CNOT2: variants seen among roughly 807,000 people sequenced by gnomAD.
The protein encoded by CNOT2 is CCR4-NOT transcription complex subunit 2.
Under a neutral mutation model 72.1 loss-of-function variants are expected in CNOT2, and 7 were observed. That is an observed-to-expected ratio of 0.10 (90% CI 0.06 to 0.18). CNOT2 has a LOEUF of 0.18. Ranked by LOEUF, CNOT2 falls within the 10% of genes least tolerant of loss-of-function variation. CNOT2 has a pLI of 1.00. For synonymous variants in CNOT2, 196 were observed against 225.6 expected (o/e 0.87, Z 1.17); for missense variants, 345 against 660.3 (o/e 0.52, Z 5.23).
At chr12:70,300,835 A>G (rs944245998) in intron 2 of CNOT2, among the ~76,000 whole-genome samples, 21 of 152,276 alleles carry the variant, frequency 1.4e-4, no homozygotes, top group African/African-American at 4.8e-4. Context: ...CACGATATTG[A>G]TTCTTCCTAC....
chr12:70,350,767 A>G (rs1308812254), intron 15 of CNOT2, among the ~76,000 whole-genome samples: 1 of 152,204 alleles, frequency 6.6e-6, no homozygotes, highest in African/African-American at 2.4e-5. Flanking sequence ...TTTTATATGT[A>G]TAAATATTCC....
intron 2 of CNOT2, among the ~76,000 whole-genome samples, chr12:70,281,187 C>T (rs1195279373): frequency 2.6e-5 from 4 of 151,142 alleles, no homozygotes; most frequent in Admixed American, 6.6e-5. Flanking sequence ...TGGGTTCAAG[C>T]GATTCTCCTG....
intron 1 of CNOT2, among the ~76,000 whole-genome samples, chr12:70,254,679 A>G (rs1958331679): frequency 6.6e-6 from 1 of 152,082 alleles, no homozygotes; most frequent in Non-Finnish European, 1.5e-5. Flanking sequence ...ATTTTTATTT[A>G]AATAGATATC....
chr12:70,307,899 T>G (rs1347063706), intron 2 of CNOT2: 1 of 143,308 alleles, frequency 7.0e-6, no homozygotes, highest in Non-Finnish European at 1.5e-5. Context: ...CTAGGACCTT[T>G]AAAAAAAAAA....
At chr12:70,315,206 T>G (rs2135969858) in intron 3 of CNOT2, among the ~76,000 whole-genome samples, 1 of 152,240 alleles carries the variant, frequency 6.6e-6, no homozygotes, top group Non-Finnish European at 1.5e-5. Context: ...TTTCTTTTTT[T>G]GTGCCTGTTT....
chr12:70,296,363 T>G (rs1011172227), intron 2 of CNOT2, among the ~76,000 whole-genome samples: 5 of 151,994 alleles, frequency 3.3e-5, no homozygotes, highest in Non-Finnish European at 7.4e-5. Context: ...TCATAGATTT[T>G]TGTGTGTGTG....
chr12:70,352,656 T>A (rs1000925705), intron 15 of CNOT2, among the ~76,000 whole-genome samples: 1 of 152,216 alleles, frequency 6.6e-6, no homozygotes, highest in Middle Eastern at 3.2e-3. Context: ...TTCTTTAAGT[T>A]GGATTATGCA....
At chr12:70,345,271 TTAAAG>T (rs1266600049) in intron 14 of CNOT2, 6 of 152,172 alleles carry the variant, frequency 3.9e-5, no homozygotes, top group Admixed American at 6.5e-5. Context: ...ATCAAATAGT[TTAAAG>T]TATATAATTC....
At chr12:70,291,978 G>A (rs1871992831) in intron 2 of CNOT2, among the ~76,000 whole-genome samples, 1 of 152,050 alleles carries the variant, frequency 6.6e-6, no homozygotes, top group African/African-American at 2.4e-5. Flanking sequence ...TAGATACTGC[G>A]AGCAATATTC....
chr12:70,306,297 A>C (rs1875376608), intron 2 of CNOT2, among the ~76,000 whole-genome samples: 1 of 152,150 alleles, frequency 6.6e-6, no homozygotes, highest in Non-Finnish European at 1.5e-5. Context: ...CTGGGATTAC[A>C]GGTGCATGCC....
intron 2 of CNOT2, among the ~76,000 whole-genome samples, chr12:70,301,083 T>C (rs964460612): frequency 6.6e-6 from 1 of 152,228 alleles, no homozygotes; most frequent in Admixed American, 6.5e-5. Context: ...ATCCCGAGAC[T>C]TTGCTGAAGT....
At chr12:70,315,316 A>C (rs966302168) in intron 3 of CNOT2, among the ~76,000 whole-genome samples, 1 of 152,054 alleles carries the variant, frequency 6.6e-6, no homozygotes, top group African/African-American at 2.4e-5. Flanking sequence ...GTGTGCATGC[A>C]TATGCTTTCT....
intron 1 of CNOT2, among the ~76,000 whole-genome samples, chr12:70,252,355 T>A (rs1958180630): frequency 6.6e-6 from 1 of 151,920 alleles, no homozygotes. Context: ...CCCGGCAAAT[T>A]TTTGTATCTT....
intron 4 of CNOT2, chr12:70,323,314 C>T (rs1878586316): frequency 1.3e-5 from 2 of 151,526 alleles, no homozygotes; most frequent in Admixed American, 1.3e-4. Flanking sequence ...CTCTGTACCT[C>T]GCATATGACA....
At position 70,354,413 on chromosome 12, in the gene CNOT2, A is replaced by G. The variant is rs1267451017; in HGVS notation, c.*498A>G. 1.3e-5 allele frequency: 2 copies of G among 152,892 alleles called. No homozygotes were observed. The highest frequency in any genetic ancestry group is 6.5e-5 in the Admixed American group (1 of 15,290). The allele number at this position is 152,892 out of a possible 1,614,324, so 9.5% of individuals were successfully genotyped here. A position where few individuals can be genotyped will look rare whatever the true frequency, so the allele number is the denominator to read the frequency against. On this transcript the variant is annotated 3_prime_UTR_variant, in exon 16 of 16. Coordinates refer to ENST00000229195, the MANE Select transcript of CNOT2 (RefSeq NM_014515.7). ...GCAAGAGGTCTGCTTCCTTCATTTT[A>G]CTTCCCCTTCTGTTTTTGAAAGGCA... is the stretch of plus-strand genomic sequence containing the variant.
chr12:70,325,016 A>G (rs1480811068), intron 4 of CNOT2, among the ~76,000 whole-genome samples: 3 of 151,768 alleles, frequency 2.0e-5, no homozygotes, highest in Admixed American at 2.0e-4. Flanking sequence ...CCCTCCTACA[A>G]GCAGTCAAGC....
intron 2 of CNOT2, among the ~76,000 whole-genome samples, chr12:70,292,119 A>T (rs1326370839): frequency 1.3e-5 from 2 of 152,188 alleles, no homozygotes; most frequent in Non-Finnish European, 2.9e-5. Context: ...AAACTTCCAG[A>T]TGCACCACTT....
chr12:70,298,093 C>T (rs928539988), intron 2 of CNOT2, among the ~76,000 whole-genome samples: 2 of 152,132 alleles, frequency 1.3e-5, no homozygotes, highest in African/African-American at 4.8e-5. Flanking sequence ...ACTTCATTTT[C>T]AAATTAATGC....
intron 2 of CNOT2, among the ~76,000 whole-genome samples, chr12:70,282,922 A>G (rs1870126098): frequency 6.6e-6 from 1 of 152,176 alleles, no homozygotes; most frequent in Admixed American, 6.5e-5. Flanking sequence ...TAGCTAAAGT[A>G]CTCAACACCT....
Sources: allele counts gnomAD v4.1 joint callset (sites outside exome capture counted in the v4.1 genomes callset), GRCh38; gene constraint gnomAD v4.1.1; transcripts MANE v1.5; gene names NCBI Gene and HGNC (gene_info 2026-07-23, HGNC 2026-07-21).